FGFR1: variants seen among roughly 807,000 people sequenced by gnomAD.
The protein encoded by FGFR1 is FGFR1/PLAG1 fusion.
FGFR1 carries 18 observed loss-of-function variants against 93.7 expected under a neutral mutation model. The observed-to-expected ratio is 0.19, with a 90% CI of 0.13 to 0.28. The LOEUF (loss-of-function observed/expected upper bound fraction) is 0.28. Ranked by LOEUF, FGFR1 falls within the 10% of genes least tolerant of loss-of-function variation. FGFR1 has a pLI of 1.00. For missense variants in FGFR1, 731 were observed against 1,080.4 expected (o/e 0.68, Z 4.53); for synonymous variants, 448 against 429.3 (o/e 1.04, Z -0.54).
chr8:38,461,002 TG>T (rs1477628271), intron 1 of FGFR1: 6 of 1,476,628 alleles, frequency 4.1e-6, no homozygotes, highest in Non-Finnish European at 4.6e-6. Flanking sequence ...GCTAGGCTCC[TG>T]GGATTCATGC....
chr8:38,414,513 A>C (rs1351023134), intron 15 of FGFR1, 46 bp downstream of exon 15: 1 of 1,604,840 alleles, frequency 6.2e-7, no homozygotes, highest in East Asian at 2.2e-5. Context: ...CAGTGCTAGA[A>C]GCTCTCTATC....
At chr8:38,415,360 C>G (rs1816089787) in intron 13 of FGFR1, among the ~76,000 whole-genome samples, 1 of 152,136 alleles carries the variant, frequency 6.6e-6, no homozygotes, top group East Asian at 1.9e-4. Flanking sequence ...GTGGTGTGAT[C>G]ATGGCTCAGT....
intron 2 of FGFR1, among the ~76,000 whole-genome samples, chr8:38,442,078 G>C (rs1429523113): frequency 2.0e-5 from 3 of 152,116 alleles, no homozygotes; most frequent in Non-Finnish European, 4.4e-5. Flanking sequence ...AACTGCCCCG[G>C]ATACCCTGGG....
chr8:38,419,795 G>A (rs946175385), intron 8 of FGFR1, 60 bp from the exon 9 acceptor site: 37 of 1,463,450 alleles, frequency 2.5e-5, no homozygotes, highest in Admixed American at 5.4e-5. Flanking sequence ...GCGAGGTCCC[G>A]CTCCATTAGA....
intron 2 of FGFR1, among the ~76,000 whole-genome samples, chr8:38,434,160 G>T (rs958697090): frequency 6.6e-6 from 1 of 152,068 alleles, no homozygotes; most frequent in Admixed American, 6.5e-5. Context: ...GTCATCAATT[G>T]ACAGATATTG....
chr8:38,454,756 AC>A (rs1563617319), intron 2 of FGFR1, among the ~76,000 whole-genome samples: 2 of 152,166 alleles, frequency 1.3e-5, no homozygotes, highest in Non-Finnish European at 2.9e-5. Context: ...AGATGAGCAA[AC>A]TGTGACGTAT....
At chr8:38,457,672 G>T (rs2151359743) in intron 1 of FGFR1, 138 bp from the exon 2 acceptor site, 1 of 786,806 alleles carries the variant, frequency 1.3e-6, no homozygotes, top group Non-Finnish European at 2.0e-6. Flanking sequence ...AAATTGTGAA[G>T]CTACCCCAAC....
rs200939148 is a variant in FGFR1 at position 38,448,278 on chromosome 8, A to AT, written c.91+9077dup. On this transcript the variant is annotated intron_variant, in intron 2 of 17. Coordinates refer to ENST00000447712, the MANE Select transcript of FGFR1 (RefSeq NM_023110.3). ...ACCCAGATTATCTAACAAAACACCAATTTTTTTTTTTTTTTTTTTGAGACG... is the reference window on the plus strand; with the variant it reads ...ACCCAGATTATCTAACAAAACACCAATTTTTTTTTTTTTTTTTTTTGAGACG... Among the ~76,000 whole-genome samples, 1,144 of 136,332 alleles carry AT rather than the reference A, an allele frequency of 8.4e-3. 8 individuals are homozygous for AT. Among genetic ancestry groups the AT allele is most frequent in the East Asian group, 0.018 (87 of 4,754 alleles). 89.4% of individuals were successfully genotyped at this position (136,332 alleles called of 152,430 possible). A position where few individuals can be genotyped will look rare whatever the true frequency, so the allele number is the denominator to read the frequency against.
intron 7 of FGFR1, chr8:38,422,327 C>T (rs1167296488): frequency 4.5e-6 from 2 of 445,984 alleles, no homozygotes; most frequent in Non-Finnish European, 8.4e-6. Flanking sequence ...GCTGCAGACA[C>T]ACACATGCAC....
rs769461429 is a variant in FGFR1, at chr8:38,417,273, T to C, written c.1663+33A>G. 1.9e-6 allele frequency: 3 copies of C among 1,539,036 alleles called. No homozygotes were observed. In the South Asian group the frequency reaches 3.3e-5, roughly 17 times the overall value. ...ACCCCAGCTCAGATCTTCTCCCCGC[T>C]GGGCAGGGAAAGCCAGTCTGGCCGG... On this transcript the variant is annotated intron_variant, in intron 12 of 17. Coordinates refer to ENST00000447712, the MANE Select transcript of FGFR1 (RefSeq NM_023110.3).
chr8:38,452,727 A>T lies in FGFR1; in HGVS notation c.91+4629T>A, dbSNP rs142609997. 2.6e-3 allele frequency among the ~76,000 whole-genome samples: 392 copies of T among 152,150 alleles called. 1 individual carries two copies. The highest frequency in any genetic ancestry group is 9.1e-3 in the African/African-American group (376 of 41,504). On this transcript the variant is annotated intron_variant, in intron 2 of 17. Transcript: ENST00000447712. ...CATGGTGGCTAACACCTGTAATCCCAGCACTTTGGGAGGCCGAGGTGGGCA... is the reference window on the plus strand; with the variant it reads ...CATGGTGGCTAACACCTGTAATCCCTGCACTTTGGGAGGCCGAGGTGGGCA...
At position 38,418,334 on chromosome 8, in the gene FGFR1, G is replaced by C. The variant is rs778104598; in HGVS notation, c.1324C>G (p.Leu442Val). The change falls in exon 10 of 18, where the codon CTT becomes GTT. Residue 442 changes from leucine (L) to valine (V), a missense_variant. Around this residue, in one of 10 missense-constraint regions of FGFR1, gnomAD observed 146 missense variants for 173.0 expected, o/e 0.84. Coordinates refer to ENST00000447712, the MANE Select transcript of FGFR1 (RefSeq NM_023110.3). ...GAGAGCCGTGATGGCCGAACCAGAA[G>C]AACCCCAGAGTTCATGGATGCACTG... ...DSSASMNSGV[L>V]LVRPSRLSSS... The C allele has an allele frequency of 9.3e-6, 15 of 1,614,066 alleles. No individual in the cohort carries two copies. In the African/African-American group the frequency reaches 1.7e-4, roughly 19 times the overall value.
chr8:38,417,821 G>T (rs766387527), intron 11 of FGFR1, 49 bp downstream of exon 11: 1 of 1,614,054 alleles, frequency 6.2e-7, no homozygotes, highest in South Asian at 1.1e-5. Context: ...CCTGCTGTTT[G>T]CTTGGAATGG....
At position 38,416,064 on chromosome 8, in the gene FGFR1, C is replaced by A. The variant is rs763187873; in HGVS notation, c.1664-4G>T. The A allele has an allele frequency of 1.2e-6, 2 of 1,609,212 alleles. No individual in the cohort carries two copies. The highest frequency in any genetic ancestry group is 1.7e-5 in the Admixed American group (1 of 59,590). ...TCCACGATGACATACAAGGGACCTG[C>A]AGGCACAGGAGAAGAGGCCATGGGG... On this transcript the variant is annotated splice_region_variant and splice_polypyrimidine_tract_variant and intron_variant, in intron 12 of 17. Transcript: ENST00000447712.
At chr8:38,445,200 C>T (rs1828916203) in intron 2 of FGFR1, among the ~76,000 whole-genome samples, 1 of 152,162 alleles carries the variant, frequency 6.6e-6, no homozygotes, top group Admixed American at 6.5e-5. Flanking sequence ...AGTGAAGAGC[C>T]CTCAACTGTC....
chr8:38,454,811 T>A (rs1832256203), intron 2 of FGFR1, among the ~76,000 whole-genome samples: 1 of 152,116 alleles, frequency 6.6e-6, no homozygotes, highest in East Asian at 1.9e-4. Flanking sequence ...AGCTATCAAG[T>A]GGCAGAGCAG....
At chr8:38,445,503 A>G (rs1321359181) in intron 2 of FGFR1, among the ~76,000 whole-genome samples, 1 of 152,138 alleles carries the variant, frequency 6.6e-6, no homozygotes, top group Non-Finnish European at 1.5e-5. Context: ...ATCACTTTCA[A>G]GTGCATGTCA....
chr8:38,424,586 T>G lies in FGFR1; in HGVS notation c.859A>C (p.Ile287Leu), dbSNP rs2150818691. The G allele has an allele frequency of 1.2e-6, 2 of 1,614,264 alleles. No individual in the cohort carries two copies. Among genetic ancestry groups the G allele is most frequent in the Non-Finnish European group, 1.7e-6 (2 of 1,180,048 alleles). ...CKVYSDPQPH[I>L]QWLKHIEVNG... ...ACCTCGATGTGCTTTAGCCACTGGA[T>G]GTGCGGCTGCGGGTCACTGTACACC... Residue 287 changes from isoleucine to leucine, a missense_variant, in exon 7 of 18, where the codon ATC becomes CTC. Physicochemically the swap from Ile to Leu is conservative, Grantham distance 5 (BLOSUM62 2). Transcript: ENST00000447712. This position sits in a 1 kb window ranked among gnomAD's most constrained non-coding sequence, Gnocchi z 4.3.
intron 9 of FGFR1, among the ~76,000 whole-genome samples, chr8:38,418,912 C>G (rs892464884): frequency 2.0e-5 from 3 of 152,088 alleles, no homozygotes; most frequent in Non-Finnish European, 4.4e-5. Flanking sequence ...ATGGGAGGGA[C>G]CTGGTAGGAG....
Sources: allele counts gnomAD v4.1 joint callset (sites outside exome capture counted in the v4.1 genomes callset), GRCh38; gene constraint gnomAD v4.1.1; regional missense constraint gnomAD v4.1.1; non-coding constraint Gnocchi (gnomAD v3.1); transcripts MANE v1.5; gene names NCBI Gene and HGNC (gene_info 2026-07-23, HGNC 2026-07-21).